OAS2: variants seen among roughly 807,000 people sequenced by gnomAD.
OAS2 encodes 2'-5'-oligoadenylate synthase 2.
A neutral mutation model predicts 71.3 loss-of-function variants in OAS2; 67 were observed. The observed-to-expected ratio is 0.94, with a 90% confidence interval of 0.77 to 1.15. The LOEUF (loss-of-function observed/expected upper bound fraction) is 1.15. OAS2 is among the 50% of genes most tolerant of loss of function. The pLI, the probability that OAS2 is intolerant of heterozygous loss-of-function variation, is 0.00. For synonymous variants in OAS2, 327 were observed against 321.8 expected, an observed-to-expected ratio of 1.02 and a Z score of -0.17; for missense variants, 789 against 822.5, an observed-to-expected ratio of 0.96 and a Z score of 0.50.
rs561373886 is a variant in OAS2, at chr12:112,978,655, T to C, written c.47T>C (p.Leu16Pro). 6.2e-7 allele frequency: 1 copy of C among 1,614,092 alleles called. No individual in the cohort carries two copies. Among genetic ancestry groups the C allele is most frequent in the East Asian group, 2.2e-5 (1 of 44,872 alleles). ...CTGTCCTCGGTGCCTGCTCAGAAGC[T>C]GGGTTGGTTTATCCAGGAATACCTG... is the stretch of plus-strand genomic sequence containing the variant. ...SQLSSVPAQKLGWFIQEYLKP... is the reference protein window; with the variant it reads ...SQLSSVPAQKPGWFIQEYLKP... The change falls in exon 1 of 10, where the codon CTG becomes CCG. Residue 16 changes from leucine (L) to proline (P), a missense_variant. Transcript: ENST00000392583. The surrounding 1 kb of genome is among the most constrained non-coding windows in gnomAD (Gnocchi z 4.2).
At chr12:112,996,031 G>A (rs760176530) in intron 3 of OAS2, among the ~76,000 whole-genome samples, 3 of 152,218 alleles carry the variant, frequency 2.0e-5, no homozygotes, top group African/African-American at 7.2e-5. Flanking sequence ...TGAACTCCTG[G>A]GCTCAAGCTA....
In OAS2 at chr12:113,007,690, C is replaced by A; in HGVS notation, c.1657-15C>A. Reference sequence around the variant, plus strand: ...TAGGCTAACCAGTTCGTCTGATGTTCCCACTCTTACCTAGTGTGAAAGGAA... The same window carrying A: ...TAGGCTAACCAGTTCGTCTGATGTTACCACTCTTACCTAGTGTGAAAGGAA... On this transcript the variant is annotated splice_polypyrimidine_tract_variant and intron_variant, in intron 8 of 9. Coordinates refer to ENST00000392583, the MANE Select transcript of OAS2 (RefSeq NM_002535.3). 1.2e-6 allele frequency: 2 copies of A among 1,607,514 alleles called. No individual in the cohort carries two copies. The highest frequency in any genetic ancestry group is 2.2e-5 in the South Asian group (2 of 90,650).
chr12:113,006,330 A>G, intron 7 of OAS2, 83 bp from the exon 8 acceptor site: 1 of 1,192,822 alleles, frequency 8.4e-7, no homozygotes, highest in Non-Finnish European at 1.1e-6. Context: ...TCCAAGAATT[A>G]AATCATATTT....
rs1555229774 is a variant in OAS2 at position 113,007,958 on chromosome 12, G to A, written c.1895+15G>A. On this transcript the variant is annotated intron_variant, in intron 9 of 9. Transcript: ENST00000392583. ...CAGAAAACCAGGTGCCTTCACCCTAGCCCCGTACTTTTCTTAACCTGATTC... is the reference window on the plus strand; with the variant it reads ...CAGAAAACCAGGTGCCTTCACCCTAACCCCGTACTTTTCTTAACCTGATTC... 1.8e-5 allele frequency: 28 copies of A among 1,583,822 alleles called. No homozygotes were observed. The South Asian group carries it at 2.7e-4, about 15-fold the overall frequency.
At chr12:113,009,058 C>T in intron 9 of OAS2, 29 bp from the exon 10 acceptor site, 1 of 1,601,638 alleles carries the variant, frequency 6.2e-7, no homozygotes, top group Non-Finnish European at 8.5e-7. Context: ...GATTTGGAAT[C>T]TCCTAATGCC....
chr12:113,009,629 C>T lies in OAS2; in HGVS notation c.*374C>T, dbSNP rs963402504. The T allele has an allele frequency of 1.0e-6, 1 of 996,548 alleles. No individual in the cohort carries two copies. The highest frequency in any genetic ancestry group is 1.2e-6 in the Non-Finnish European group (1 of 837,744). The allele number at this position is 996,548 out of a possible 1,614,324, so 61.7% of individuals were successfully genotyped here. A position where few individuals can be genotyped will look rare whatever the true frequency, so the allele number is the denominator to read the frequency against. On this transcript the variant is annotated 3_prime_UTR_variant, in exon 10 of 10. Coordinates refer to ENST00000392583, the MANE Select transcript of OAS2 (RefSeq NM_002535.3). ...GAGTACTTATGGCCCTGAAAGCGGC[C>T]ACGGTGCCTCCAGATGGCAGGTTTG...
At chr12:112,984,945 G>GTTT (rs55832622) in intron 1 of OAS2, among the ~76,000 whole-genome samples, 1 of 151,634 alleles carries the variant, frequency 6.6e-6, no homozygotes, top group African/African-American at 2.4e-5. Flanking sequence ...GTCTGAAAGG[G>GTTT]TTTTTTTTTA....
rs753899364 is a variant in OAS2, at chr12:113,007,705, T to G, written c.1657T>G (p.Cys553Gly). ...IRLVKHWYKE[C>G]ERKLKPKGSL... is the part of the protein sequence containing the mutation. ...GTCTGATGTTCCCACTCTTACCTAGTGTGAAAGGAAACTGAAGCCAAAGGG... is the reference window on the plus strand; with the variant it reads ...GTCTGATGTTCCCACTCTTACCTAGGGTGAAAGGAAACTGAAGCCAAAGGG... The change falls in exon 9 of 10, where the codon TGT becomes GGT. Residue 553 changes from cysteine to glycine, a missense_variant and splice_region_variant. Coordinates refer to ENST00000392583, the MANE Select transcript of OAS2 (RefSeq NM_002535.3). 1 of 1,613,308 alleles carries G rather than the reference T, an allele frequency of 6.2e-7. No homozygotes were observed. The highest frequency in any genetic ancestry group is 1.7e-4 in the Middle Eastern group (1 of 6,032).
chr12:112,990,618 A>T (rs7137788), intron 2 of OAS2, among the ~76,000 whole-genome samples: 1 of 152,192 alleles, frequency 6.6e-6, no homozygotes, highest in African/African-American at 2.4e-5. Flanking sequence ...CAGAATGTGA[A>T]TTTTTCCACA....
intron 3 of OAS2, 119 bp from the exon 4 acceptor site, chr12:112,997,401 G>A: frequency 1.3e-6 from 1 of 756,238 alleles, no homozygotes; most frequent in Non-Finnish European, 2.1e-6. Context: ...CCACTGAACT[G>A]TAGGCATTCT....
Position 113,009,465 on chromosome 12 carries a change from T to G in OAS2, c.*210T>G. On this transcript the variant is annotated 3_prime_UTR_variant, in exon 10 of 10. Coordinates refer to ENST00000392583, the MANE Select transcript of OAS2 (RefSeq NM_002535.3). Reference sequence around the variant, plus strand: ...ACTGTAGGGTGCTGCGCAGCATCCCTAGTCTCTACCCAGTAGATGCCACTA... The same window carrying G: ...ACTGTAGGGTGCTGCGCAGCATCCCGAGTCTCTACCCAGTAGATGCCACTA... 7.4e-7 allele frequency: 1 copy of G among 1,344,610 alleles called. No individual in the cohort carries two copies. The highest frequency in any genetic ancestry group is 9.5e-7 in the Non-Finnish European group (1 of 1,048,554). The allele number at this position is 1,344,610 out of a possible 1,614,324, so 83.3% of individuals were successfully genotyped here. A position where few individuals can be genotyped will look rare whatever the true frequency, so the allele number is the denominator to read the frequency against.
At chr12:113,003,512 G>A (rs1004966932) in intron 6 of OAS2, among the ~76,000 whole-genome samples, 1 of 152,146 alleles carries the variant, frequency 6.6e-6, no homozygotes, top group Non-Finnish European at 1.5e-5. Context: ...AGTTACATCT[G>A]CGAAGACCCT....
chr12:112,996,032 G>T (rs2044229932), intron 3 of OAS2, among the ~76,000 whole-genome samples: 1 of 152,122 alleles, frequency 6.6e-6, no homozygotes, highest in Admixed American at 6.6e-5. Context: ...GAACTCCTGG[G>T]CTCAAGCTAT....
In OAS2 at chr12:113,010,014, T is replaced by C; in HGVS notation, c.*759T>C. On this transcript the variant is annotated 3_prime_UTR_variant, in exon 10 of 10. Transcript: ENST00000392583. ...TAGACAGTTCTTTGTTTGGAGGCTC[T>C]CTTGTGCATTGTAGGATGTTGAGCA... 1 of 971,174 alleles carries C rather than the reference T, an allele frequency of 1.0e-6. No individual in the cohort carries two copies. The highest frequency in any genetic ancestry group is 1.2e-6 in the Non-Finnish European group (1 of 814,748). The allele number at this position is 971,174 out of a possible 1,614,324, so 60.2% of individuals were successfully genotyped here.
chr12:112,985,446 T>G (rs1352724507), intron 1 of OAS2, among the ~76,000 whole-genome samples: 1 of 152,210 alleles, frequency 6.6e-6, no homozygotes, highest in African/African-American at 2.4e-5. Context: ...GTTAAAGCAG[T>G]GAGTTGTATT....
chr12:113,003,100 C>T lies in OAS2; in HGVS notation c.1177C>T (p.Arg393Trp), dbSNP rs759701630. Residue 393 changes from arginine (R) to tryptophan (W), a missense_variant and splice_region_variant, in exon 6 of 10, where the codon CGG becomes TGG. By Grantham distance (101) the Arg-to-Trp change is moderately radical (BLOSUM62 -3). Transcript: ENST00000392583. ...ATCAACAGCCAAGATCCAGATTGTC[C>T]GGGTGAGCACTGGCCTTTCTCATGT... ...RQSTAKIQIV[R>W]GGSTAKGTAL... The T allele has an allele frequency of 1.3e-5, 21 of 1,613,888 alleles. No homozygotes were observed. Among genetic ancestry groups the T allele is most frequent in the East Asian group, 4.5e-5 (2 of 44,876 alleles).
At chr12:112,986,701 C>A (rs2044140130) in intron 1 of OAS2, among the ~76,000 whole-genome samples, 1 of 151,784 alleles carries the variant, frequency 6.6e-6, no homozygotes. Context: ...AGTTTTACCC[C>A]CATTCCCCCA....
At chr12:112,998,063 T>G (rs1481159177) in intron 4 of OAS2, among the ~76,000 whole-genome samples, 1 of 152,178 alleles carries the variant, frequency 6.6e-6, no homozygotes, top group Non-Finnish European at 1.5e-5. Context: ...TTTGTTATTT[T>G]ATTAATAGAA....
At chr12:112,996,528 C>G (rs1281169628) in intron 3 of OAS2, among the ~76,000 whole-genome samples, 2 of 151,950 alleles carry the variant, frequency 1.3e-5, no homozygotes, top group African/African-American at 2.4e-5. Context: ...GGGGATCTGC[C>G]CACCCAGCGC....
Sources: allele counts gnomAD v4.1 joint callset (sites outside exome capture counted in the v4.1 genomes callset), GRCh38; gene constraint gnomAD v4.1.1; non-coding constraint Gnocchi (gnomAD v3.1); transcripts MANE v1.5; gene names NCBI Gene and HGNC (gene_info 2026-07-23, HGNC 2026-07-21).